The following UNC13C variants were observed in gnomAD, a reference collection of about 807,000 sequenced individuals.
UNC13C encodes the protein protein unc-13 homolog C.
Under a neutral mutation model 245.4 loss-of-function variants are expected in UNC13C, and 174 were observed. The observed-to-expected ratio is 0.71, with a 90% CI of 0.63 to 0.80. The LOEUF is 0.80. Among genes scored for constraint, UNC13C ranks in the 30% least tolerant of loss-of-function variants. The pLI is 0.00. For missense variants in UNC13C, 2,829 were observed against 2,602.9 expected (o/e 1.09, Z -1.89); for synonymous variants, 992 against 895.1 (o/e 1.11, Z -1.93).
At position 54,570,101 on chromosome 15, in the gene UNC13C, A is replaced by G. The variant is rs374847300; in HGVS notation, c.6106+2154A>G. 3.9e-5 allele frequency among the ~76,000 whole-genome samples: 6 copies of G among 152,260 alleles called. No individual in the cohort carries two copies. In the South Asian group the frequency reaches 1.2e-3, roughly 32 times the overall value. On this transcript the variant is annotated intron_variant, in intron 30 of 32. Transcript: ENST00000260323. ...GAAGAAGAGGCCCTCAATGCTTCCTATATGGTTGCATCCAAACGCTGGTCT... is the reference window on the plus strand; with the variant it reads ...GAAGAAGAGGCCCTCAATGCTTCCTGTATGGTTGCATCCAAACGCTGGTCT...
intron 19 of UNC13C, among the ~76,000 whole-genome samples, chr15:54,475,163 A>C (rs1195418455): frequency 6.6e-6 from 1 of 151,930 alleles, no homozygotes; most frequent in Non-Finnish European, 1.5e-5. Flanking sequence ...TAGCCATAAA[A>C]TAGTTGCCTA....
intron 2 of UNC13C, among the ~76,000 whole-genome samples, chr15:54,112,594 C>G (rs1346665541): frequency 1.3e-5 from 2 of 152,190 alleles, no homozygotes; most frequent in Non-Finnish European, 2.9e-5. Flanking sequence ...TAGTCTTTTA[C>G]TATTGTCACA....
chr15:53,976,472 TC>T (rs1893702447), upstream of UNC13C, among the ~76,000 whole-genome samples: 13 of 67,468 alleles, frequency 1.9e-4, no homozygotes, highest in South Asian at 8.3e-4. Context: ...TCTCTCTCTC[TC>T]TCTCTTTTTT....
chr15:54,280,055 T>C (rs1342287011), intron 10 of UNC13C, among the ~76,000 whole-genome samples: 1 of 152,182 alleles, frequency 6.6e-6, no homozygotes, highest in East Asian at 1.9e-4. Context: ...TATACAGATA[T>C]GCATATAATA....
At chr15:54,022,438 G>C (rs893875149) in intron 2 of UNC13C, among the ~76,000 whole-genome samples, 3 of 152,032 alleles carry the variant, frequency 2.0e-5, no homozygotes, top group African/African-American at 7.2e-5. Flanking sequence ...TTCCAGAGTA[G>C]CTGGGATTAC....
chr15:54,223,954 T>A (rs781502213), intron 4 of UNC13C, among the ~76,000 whole-genome samples: 1 of 152,176 alleles, frequency 6.6e-6, no homozygotes, highest in Admixed American at 6.5e-5. Context: ...TGATGGCATA[T>A]AAAAATGCTA....
chr15:53,877,363 C>T, the UNC13C span, among the ~76,000 whole-genome samples: 1 of 152,096 alleles, frequency 6.6e-6, no homozygotes, highest in Non-Finnish European at 1.5e-5. Flanking sequence ...GTGAGAGAAA[C>T]TCTTAGAAAC....
intron 24 of UNC13C, among the ~76,000 whole-genome samples, chr15:54,517,615 G>A (rs979689786): frequency 6.6e-6 from 1 of 152,048 alleles, no homozygotes; most frequent in Non-Finnish European, 1.5e-5. Context: ...TGAAAAAAAG[G>A]TCTGAGCACA....
intron 19 of UNC13C, among the ~76,000 whole-genome samples, chr15:54,475,788 A>C (rs1319493228): frequency 8.3e-6 from 1 of 120,262 alleles, no homozygotes; most frequent in Non-Finnish European, 1.8e-5. Context: ...GTGTCTTTAT[A>C]GCAGCATGAT....
Position 54,216,045 on chromosome 15 carries a change from T to C in UNC13C, c.3072-18985T>C, listed in dbSNP as rs149700509. Reference sequence around the variant, plus strand: ...AATTCACAACAAATGTACATGGTGATCCAAATATAAAGATGCAAATGAGAG... The same window carrying C: ...AATTCACAACAAATGTACATGGTGACCCAAATATAAAGATGCAAATGAGAG... On this transcript the variant is annotated intron_variant, in intron 4 of 32. Coordinates refer to ENST00000260323, the MANE Select transcript of UNC13C (RefSeq NM_001080534.3). 3.7e-3 allele frequency among the ~76,000 whole-genome samples: 559 copies of C among 151,950 alleles called. 3 individuals carry two copies. The highest frequency in any genetic ancestry group is 5.3e-3 in the Non-Finnish European group (361 of 67,894).
At chr15:54,032,323 C>T (rs1465685552) in intron 2 of UNC13C, among the ~76,000 whole-genome samples, 1 of 152,126 alleles carries the variant, frequency 6.6e-6, no homozygotes, top group Non-Finnish European at 1.5e-5. Flanking sequence ...GATAGGAAAA[C>T]ACTCCTTTGA....
chr15:54,082,767 A>T (rs1158852607), intron 2 of UNC13C, among the ~76,000 whole-genome samples: 1 of 151,884 alleles, frequency 6.6e-6, no homozygotes, highest in Non-Finnish European at 1.5e-5. Context: ...TTTTCCCTTG[A>T]GGGTATGACT....
intron 2 of UNC13C, among the ~76,000 whole-genome samples, chr15:54,103,066 C>G (rs1035374352): frequency 3.4e-4 from 51 of 152,166 alleles, no homozygotes; most frequent in African/African-American, 1.2e-3. Context: ...CTGGCAGTTG[C>G]TGAGGGTACA....
intron 19 of UNC13C, among the ~76,000 whole-genome samples, chr15:54,484,033 A>G: frequency 6.6e-6 from 1 of 151,618 alleles, no homozygotes; most frequent in East Asian, 1.9e-4. Flanking sequence ...ACATTGAATT[A>G]TTTGTTGCAG....
At chr15:54,216,539 G>A (rs1429643840) in intron 4 of UNC13C, among the ~76,000 whole-genome samples, 1 of 151,872 alleles carries the variant, frequency 6.6e-6, no homozygotes. Context: ...CAGGCACTCA[G>A]CAGAACAGAC....
intron 2 of UNC13C, among the ~76,000 whole-genome samples, chr15:54,087,796 T>C (rs911829680): frequency 6.6e-6 from 1 of 152,318 alleles, no homozygotes; most frequent in South Asian, 2.1e-4. Flanking sequence ...TTCTTCAAGC[T>C]CATTTTCAAC....
At position 54,430,457 on chromosome 15, in the gene UNC13C, A is replaced by AT. The variant is rs201675952; in HGVS notation, c.4933+15399dup. Among the ~76,000 whole-genome samples, 258 of 150,400 alleles carry AT rather than the reference A, an allele frequency of 1.7e-3. 2 individuals are homozygous for AT. The highest frequency in any genetic ancestry group is 5.7e-3 in the African/African-American group (235 of 41,134). ...TTTTGCCTCTCATTTATATGTTTGG[A>AT]TTTTTTTTTGCTTTCTTATCATGCT... is the stretch of plus-strand genomic sequence containing the variant. On this transcript the variant is annotated intron_variant, in intron 19 of 32. Coordinates refer to ENST00000260323, the MANE Select transcript of UNC13C (RefSeq NM_001080534.3).
chr15:53,840,780 G>T, the UNC13C span, among the ~76,000 whole-genome samples: 1 of 152,088 alleles, frequency 6.6e-6, no homozygotes, highest in African/African-American at 2.4e-5. Context: ...AAATAAGCAG[G>T]ATTCCATGAT....
chr15:54,088,232 C>T (rs1346931595), intron 2 of UNC13C, among the ~76,000 whole-genome samples: 119 of 144,738 alleles, frequency 8.2e-4, no homozygotes, highest in African/African-American at 2.8e-3. Context: ...TTTTTTACCC[C>T]CTCATCCAAT....
Sources: gnomAD v4.1 joint callset for allele counts (sites outside exome capture counted in the v4.1 genomes callset) on GRCh38, gnomAD v4.1.1 for gene constraint, MANE v1.5 for transcripts, NCBI Gene and HGNC (gene_info 2026-07-23, HGNC 2026-07-21) for gene names.